SEMA3D: variants seen among roughly 807,000 people sequenced by gnomAD.
The protein encoded by SEMA3D is semaphorin 3D, also known as semaphorin-3D.
In SEMA3D, 84 loss-of-function variants were observed where a neutral mutation model predicts 100.1. The ratio of observed to expected loss-of-function variants is 0.84; its 90% confidence interval spans 0.70 to 1.01. The LOEUF is 1.01. Ranked by LOEUF, SEMA3D falls within the 50% of genes least tolerant of loss-of-function variation. The pLI is 0.00. For synonymous variants in SEMA3D, 312 were observed against 320.7 expected, an observed-to-expected ratio of 0.97 and a Z score of 0.29; for missense variants, 875 against 934.1, an observed-to-expected ratio of 0.94 and a Z score of 0.82.
At chr7:85,125,009 T>A (rs773619158) in intron 2 of SEMA3D, among the ~76,000 whole-genome samples, 14 of 152,238 alleles carry the variant, frequency 9.2e-5, no homozygotes, top group Admixed American at 2.6e-4. Flanking sequence ...AGCGCTGATA[T>A]CTGATTGCAG....
At chr7:85,062,165 A>G (rs1791496226) in intron 8 of SEMA3D, among the ~76,000 whole-genome samples, 2 of 152,228 alleles carry the variant, frequency 1.3e-5, no homozygotes, top group Non-Finnish European at 2.9e-5. Context: ...TTTAACTATG[A>G]ACTATTATCT....
At chr7:85,233,989 CA>C in the SEMA3D span, among the ~76,000 whole-genome samples, 1 of 152,080 alleles carries the variant, frequency 6.6e-6, no homozygotes, top group Admixed American at 6.6e-5. Context: ...GCATATTAGA[CA>C]ATATAATTTT....
At chr7:85,117,414 A>C (rs1789272956) in intron 3 of SEMA3D, among the ~76,000 whole-genome samples, 1 of 152,220 alleles carries the variant, frequency 6.6e-6, no homozygotes, top group Admixed American at 6.5e-5. Context: ...ATACAGCAAT[A>C]GTTATCCAAA....
chr7:85,090,817 A>T (rs1389060614), intron 4 of SEMA3D, among the ~76,000 whole-genome samples: 1 of 152,128 alleles, frequency 6.6e-6, no homozygotes, highest in African/African-American at 2.4e-5. Flanking sequence ...AGAAAGGGAA[A>T]TAACAAAGCT....
At chr7:85,140,722 A>G in intron 2 of SEMA3D, 1 of 980,150 alleles carries the variant, frequency 1.0e-6, no homozygotes, top group Non-Finnish European at 1.2e-6. Context: ...ATTTAATACA[A>G]GTTTCTTCTG....
At chr7:85,188,394 A>C (rs1241066654), upstream of SEMA3D, among the ~76,000 whole-genome samples, 1 of 152,168 alleles carries the variant, frequency 6.6e-6, no homozygotes, top group Non-Finnish European at 1.5e-5. Flanking sequence ...ATCCTCGTAG[A>C]CTATTTCAAA....
intron 9 of SEMA3D, chr7:85,050,532 C>T (rs1791135040): frequency 2.8e-6 from 1 of 353,038 alleles, no homozygotes; most frequent in Non-Finnish European, 5.1e-6. Flanking sequence ...AAAAGATATT[C>T]TGTGGATGAA....
chr7:85,001,781 G>A (rs1259408354), intron 18 of SEMA3D, among the ~76,000 whole-genome samples: 1 of 152,090 alleles, frequency 6.6e-6, no homozygotes, highest in Non-Finnish European at 1.5e-5. Flanking sequence ...ACATACTACT[G>A]CCATGCTGCT....
At chr7:85,167,527 T>TAACA in intron 1 of SEMA3D, 3 of 268,226 alleles carry the variant, frequency 1.1e-5, no homozygotes, top group Non-Finnish European at 1.1e-5. Context: ...AATTTATTGT[T>TAACA]ATAAATACAC....
chr7:85,023,724 T>G (rs180993009), intron 12 of SEMA3D, among the ~76,000 whole-genome samples: 1 of 152,038 alleles, frequency 6.6e-6, no homozygotes, highest in Admixed American at 6.6e-5. Context: ...AGGGTCATTC[T>G]TAGGGAGCTG....
the SEMA3D span, among the ~76,000 whole-genome samples, chr7:85,217,029 A>C: frequency 6.6e-6 from 1 of 152,068 alleles, no homozygotes; most frequent in Admixed American, 6.6e-5. Flanking sequence ...TATTATTCCT[A>C]ATGCAAAATA....
intron 12 of SEMA3D, among the ~76,000 whole-genome samples, chr7:85,035,568 T>C: frequency 6.6e-6 from 1 of 151,992 alleles, no homozygotes; most frequent in African/African-American, 2.4e-5. Context: ...GAATGGTGGT[T>C]TCCAAGGGCT....
chr7:85,005,391 C>A (rs1789767600), intron 18 of SEMA3D, among the ~76,000 whole-genome samples: 1 of 151,928 alleles, frequency 6.6e-6, no homozygotes. Flanking sequence ...AACTATGAAT[C>A]TGCCATAATC....
intron 12 of SEMA3D, among the ~76,000 whole-genome samples, chr7:85,036,648 G>T (rs1208841149): frequency 6.6e-6 from 1 of 151,916 alleles, no homozygotes; most frequent in Non-Finnish European, 1.5e-5. Context: ...ACATGTTGGG[G>T]ATAAGCTCCA....
At chr7:85,062,055 A>T (rs558769020) in intron 8 of SEMA3D, among the ~76,000 whole-genome samples, 1 of 152,278 alleles carries the variant, frequency 6.6e-6, no homozygotes, top group South Asian at 2.1e-4. Flanking sequence ...CCATCAAAAG[A>T]GCAGATTTTG....
intron 12 of SEMA3D, among the ~76,000 whole-genome samples, chr7:85,031,566 G>C (rs1790550625): frequency 6.6e-6 from 1 of 152,050 alleles, no homozygotes; most frequent in South Asian, 2.1e-4. Flanking sequence ...TTTGAAGGTA[G>C]AACAAAAGGT....
rs1003503903 is a variant in SEMA3D, at chr7:85,186,764, C to G, written c.-259G>C. 2.6e-5 allele frequency: 4 copies of G among 152,204 alleles called. No homozygotes were observed. Among genetic ancestry groups the G allele is most frequent in the African/African-American group, 7.2e-5 (3 of 41,438 alleles). The allele number at this position is 152,204 out of a possible 1,614,324, so 9.4% of individuals were successfully genotyped here. A position where few individuals can be genotyped will look rare whatever the true frequency, so the allele number is the denominator to read the frequency against. On this transcript the variant is annotated 5_prime_UTR_variant, in exon 1 of 19. Transcript: ENST00000284136. Reference sequence around the variant, plus strand: ...GGATGCAGGCTGAGGTCCAGCGGCGCGGCAACCCGGGGCACCGGCGCGCGT... The same window carrying G: ...GGATGCAGGCTGAGGTCCAGCGGCGGGGCAACCCGGGGCACCGGCGCGCGT...
chr7:85,041,318 C>T (rs1790857790), intron 10 of SEMA3D: 1 of 152,142 alleles, frequency 6.6e-6, no homozygotes, highest in African/African-American at 2.4e-5. Context: ...ACCTCGGCCT[C>T]CCAAAGTGCT....
At chr7:85,159,242 A>C (rs1247273929) in intron 1 of SEMA3D, among the ~76,000 whole-genome samples, 1 of 152,152 alleles carries the variant, frequency 6.6e-6, no homozygotes, top group Non-Finnish European at 1.5e-5. Context: ...TTTCCAGGCC[A>C]TCATCTTCAA....
Sources: gnomAD v4.1 joint callset for allele counts (sites outside exome capture counted in the v4.1 genomes callset) on GRCh38, gnomAD v4.1.1 for gene constraint, MANE v1.5 for transcripts, NCBI Gene and HGNC (gene_info 2026-07-23, HGNC 2026-07-21) for gene names.